The following MAP4K5 variants were observed in gnomAD, a reference collection of about 807,000 sequenced individuals.
The protein encoded by MAP4K5 is mitogen-activated protein kinase kinase kinase kinase 5, also known as MAPK/ERK kinase kinase kinase 5.
In MAP4K5, 82 loss-of-function variants were observed where a neutral mutation model predicts 135.6. The ratio of observed to expected loss-of-function variants is 0.60; its 90% CI spans 0.51 to 0.73. The LOEUF is 0.73. MAP4K5 is among the 30% of genes least tolerant of loss of function. MAP4K5 has a pLI of 0.00. For missense variants in MAP4K5, 907 were observed against 1,010.9 expected, an observed-to-expected ratio of 0.90 and a Z score of 1.39; for synonymous variants, 347 against 335.0, an observed-to-expected ratio of 1.04 and a Z score of -0.39.
At chr14:50,456,668 A>G (rs1284036863) in intron 13 of MAP4K5, 74 bp from the exon 14 acceptor site, 3 of 879,598 alleles carry the variant, frequency 3.4e-6, no homozygotes, top group Non-Finnish European at 5.2e-6. Flanking sequence ...CTTTCTTATC[A>G]TTTATTGATA....
rs139517004 is a variant in MAP4K5 at position 50,506,407 on chromosome 14, G to A, written c.109-1550C>T. ...GGGTCTCACTTCTGTCACCCAGGAT[G>A]GAGTGCAGCAACAGGATCTCGGCTC... On this transcript the variant is annotated intron_variant, in intron 2 of 32. Transcript: ENST00000682126. Among the ~76,000 whole-genome samples, 4 of 152,284 alleles carry A rather than the reference G, an allele frequency of 2.6e-5. No homozygotes were observed. In the East Asian group the frequency reaches 5.8e-4, roughly 22 times the overall value.
intron 1 of MAP4K5, chr14:50,559,945 T>G: frequency 2.3e-6 from 1 of 436,378 alleles, no homozygotes; most frequent in Non-Finnish European, 4.2e-6. Flanking sequence ...GGGGTGCTGT[T>G]TATTTGTTTG....
chr14:50,437,923 A>C lies in MAP4K5; in HGVS notation c.1794T>G (p.Thr598=). 2 of 1,610,704 alleles carry C rather than the reference A, an allele frequency of 1.2e-6. No homozygotes were observed. The highest frequency in any genetic ancestry group is 2.2e-5 in the South Asian group (2 of 90,998). ...KKPGLAAHIQ[T]HRFPDRILPR... ...GTAGTATTCGGTCTGGAAACCTGTG[A>C]GTTTGAATATGGGCAGCTAATCCTG... is the stretch of plus-strand genomic sequence containing the variant. The change falls in exon 25 of 33, where the codon ACT becomes ACG. Residue 598 remains threonine (T), a synonymous_variant. Coordinates refer to ENST00000682126, the MANE Select transcript of MAP4K5 (RefSeq NM_006575.6).
intron 2 of MAP4K5, among the ~76,000 whole-genome samples, chr14:50,519,120 T>C (rs527376163): frequency 3.9e-5 from 6 of 152,166 alleles, no homozygotes; most frequent in African/African-American, 9.6e-5. Flanking sequence ...TATATAACTA[T>C]ACAAGAAAAT....
At chr14:50,494,883 C>T (rs2037561500) in intron 3 of MAP4K5, among the ~76,000 whole-genome samples, 1 of 152,196 alleles carries the variant, frequency 6.6e-6, no homozygotes, top group South Asian at 2.1e-4. Flanking sequence ...TATTCACATG[C>T]AAAAGAATAA....
chr14:50,451,015 G>T (rs1311955287), intron 14 of MAP4K5, among the ~76,000 whole-genome samples: 1 of 152,156 alleles, frequency 6.6e-6, no homozygotes, highest in Admixed American at 6.5e-5. Context: ...CTATAAATAT[G>T]TTCAAGGATT....
chr14:50,520,379 T>C (rs1375712420), intron 2 of MAP4K5, among the ~76,000 whole-genome samples: 1 of 152,126 alleles, frequency 6.6e-6, no homozygotes, highest in Non-Finnish European at 1.5e-5. Context: ...CGTGCGCCTG[T>C]AGTCCCATCT....
chr14:50,478,063 A>T (rs1239387751), intron 6 of MAP4K5, among the ~76,000 whole-genome samples: 1 of 152,142 alleles, frequency 6.6e-6, no homozygotes, highest in Non-Finnish European at 1.5e-5. Context: ...GGTAGAATTT[A>T]CTGTATGGCA....
intron 6 of MAP4K5, among the ~76,000 whole-genome samples, chr14:50,480,381 T>C (rs1238191889): frequency 6.7e-6 from 1 of 148,176 alleles, no homozygotes; most frequent in South Asian, 2.2e-4. Flanking sequence ...TGTTATCAAA[T>C]ACTAGAACTT....
At chr14:50,466,447 G>T in intron 11 of MAP4K5, 136 bp downstream of exon 11, 2 of 369,104 alleles carry the variant, frequency 5.4e-6, no homozygotes, top group Non-Finnish European at 1.0e-5. Flanking sequence ...AGGTCTGCAA[G>T]CAAATCAGCT....
chr14:50,448,603 A>G (rs138803020), intron 15 of MAP4K5, among the ~76,000 whole-genome samples, 171 bp downstream of exon 15: 78 of 152,226 alleles, frequency 5.1e-4, no homozygotes, highest in African/African-American at 1.8e-3. Flanking sequence ...ATCGTACTCT[A>G]GTAAAAATAA....
At chr14:50,527,115 C>A (rs2038282846) in intron 2 of MAP4K5, among the ~76,000 whole-genome samples, 1 of 152,056 alleles carries the variant, frequency 6.6e-6, no homozygotes, top group Non-Finnish European at 1.5e-5. Context: ...CCAAGGTGGG[C>A]AGATCACGAG....
At chr14:50,515,635 C>T (rs950567024) in intron 2 of MAP4K5, among the ~76,000 whole-genome samples, 2 of 152,180 alleles carry the variant, frequency 1.3e-5, no homozygotes, top group African/African-American at 2.4e-5. Flanking sequence ...GCTAACTGGT[C>T]TTACTTTCAA....
intron 1 of MAP4K5, among the ~76,000 whole-genome samples, chr14:50,546,837 GT>G (rs34495619): frequency 0.99 from 151,070 of 152,018 alleles, 75,075 homozygotes; most frequent in Middle Eastern, 1. Flanking sequence ...TGTGTTTAAG[GT>G]TTTTTTTTAA....
intron 1 of MAP4K5, among the ~76,000 whole-genome samples, chr14:50,550,607 A>G (rs1468334704): frequency 6.6e-6 from 1 of 152,230 alleles, no homozygotes; most frequent in Admixed American, 6.5e-5. Flanking sequence ...GGAAGGCCTG[A>G]TTGCCAGTGC....
chr14:50,521,876 C>T (rs1179094280), intron 2 of MAP4K5, among the ~76,000 whole-genome samples: 1 of 152,156 alleles, frequency 6.6e-6, no homozygotes, highest in African/African-American at 2.4e-5. Flanking sequence ...AAAGCAATAG[C>T]CTTCTAATAA....
Position 50,462,903 on chromosome 14 carries a change from CAAAT to C in MAP4K5, c.820-126_820-123del, listed in dbSNP as rs762401240. ...ACAAGTATATGGGAGTCTACTAACA[CAAAT>C]AAACTGTGTTAGTAAAAATATTAAT... is the stretch of plus-strand genomic sequence containing the variant. On this transcript the variant is annotated intron_variant, in intron 12 of 32. Transcript: ENST00000682126. 278 of 591,480 alleles carry C rather than the reference CAAAT, an allele frequency of 4.7e-4. 1 individual carries two copies. Among genetic ancestry groups the C allele is most frequent in the Middle Eastern group, 2.3e-3 (8 of 3,462 alleles). The allele number at this position is 591,480 out of a possible 1,614,324, so 36.6% of individuals were successfully genotyped here. A position where few individuals can be genotyped will look rare whatever the true frequency, so the allele number is the denominator to read the frequency against.
intron 2 of MAP4K5, among the ~76,000 whole-genome samples, chr14:50,530,701 C>G (rs2038366862): frequency 6.6e-6 from 1 of 152,140 alleles, no homozygotes; most frequent in African/African-American, 2.4e-5. Context: ...GAGCCAGAAC[C>G]TTGCTCACAA....
chr14:50,524,118 T>C (rs577506523), intron 2 of MAP4K5, among the ~76,000 whole-genome samples: 63 of 152,352 alleles, frequency 4.1e-4, no homozygotes, highest in African/African-American at 1.4e-3. Flanking sequence ...ATTCCATCTC[T>C]AAACTCAGCA....
Sources: gnomAD v4.1 joint callset for allele counts (sites outside exome capture counted in the v4.1 genomes callset) on GRCh38, gnomAD v4.1.1 for gene constraint, MANE v1.5 for transcripts, NCBI Gene and HGNC (gene_info 2026-07-23, HGNC 2026-07-21) for gene names.